The following EXOC4 variants were observed in gnomAD, a reference collection of about 807,000 sequenced individuals.
EXOC4 encodes exocyst complex component 4.
EXOC4 carries 71 observed loss-of-function variants against 107.2 expected under a neutral mutation model. The ratio of observed to expected loss-of-function variants is 0.66; its 90% confidence interval spans 0.55 to 0.81. The LOEUF (loss-of-function observed/expected upper bound fraction) is 0.81, where lower values mean the gene tolerates loss of function less well. Ranked by LOEUF, EXOC4 falls within the 30% of genes least tolerant of loss-of-function variation. EXOC4 has a pLI of 0.00. For synonymous variants in EXOC4, 456 were observed against 441.2 expected (o/e 1.03, Z -0.42); for missense variants, 1,108 against 1,189.6 (o/e 0.93, Z 1.01).
At chr7:133,823,912 AATATATATAT>A (rs1563015185) in intron 11 of EXOC4, among the ~76,000 whole-genome samples, 468 of 19,624 alleles carry the variant, frequency 0.024, 33 homozygotes, top group African/African-American at 0.17. Flanking sequence ...TATATATATA[AATATATATAT>A]AAATTATATA....
At chr7:133,793,083 A>G (rs890662246) in intron 10 of EXOC4, among the ~76,000 whole-genome samples, 9 of 152,170 alleles carry the variant, frequency 5.9e-5, no homozygotes, top group African/African-American at 1.9e-4. Flanking sequence ...AAATAAGCCA[A>G]TTACTAGAAA....
Position 133,719,943 on chromosome 7 carries a change from T to C in EXOC4, c.1514+89802T>C, listed in dbSNP as rs933848808. Among the ~76,000 whole-genome samples, 4 of 152,066 alleles carry C rather than the reference T, an allele frequency of 2.6e-5. No individual in the cohort carries two copies. The South Asian group carries it at 6.2e-4, about 24-fold the overall frequency. The stretch of plus-strand genomic sequence containing the variant: ...GATGGATGGATGGATGAATTGAAGG[T>C]ATGCAAAGGAGTTCAGATTCATTGG... On this transcript the variant is annotated intron_variant, in intron 10 of 17. Coordinates refer to ENST00000253861, the MANE Select transcript of EXOC4 (RefSeq NM_021807.4).
chr7:133,507,965 C>T (rs1163227217), intron 9 of EXOC4, among the ~76,000 whole-genome samples: 1 of 152,032 alleles, frequency 6.6e-6, no homozygotes, highest in Non-Finnish European at 1.5e-5. Context: ...GAGGCCAAGG[C>T]AGGAGAATCA....
chr7:133,597,702 A>T (rs1801713753), intron 9 of EXOC4, among the ~76,000 whole-genome samples: 1 of 152,012 alleles, frequency 6.6e-6, no homozygotes, highest in Non-Finnish European at 1.5e-5. Flanking sequence ...TATTTAGGTT[A>T]GTGCAAAACT....
At chr7:133,676,154 G>C (rs747539016) in intron 10 of EXOC4, among the ~76,000 whole-genome samples, 1 of 151,834 alleles carries the variant, frequency 6.6e-6, no homozygotes, top group Non-Finnish European at 1.5e-5. Flanking sequence ...TTGAGTGCCC[G>C]TTATGTACCA....
chr7:133,663,038 G>C (rs1184075399), intron 10 of EXOC4, among the ~76,000 whole-genome samples: 1 of 152,112 alleles, frequency 6.6e-6, no homozygotes, highest in African/African-American at 2.4e-5. Flanking sequence ...GCAACCCCCA[G>C]TTTTCCTTTT....
intron 10 of EXOC4, among the ~76,000 whole-genome samples, chr7:133,690,862 GGAA>G (rs1326821980): frequency 6.6e-6 from 1 of 152,070 alleles, no homozygotes; most frequent in African/African-American, 2.4e-5. Context: ...GGAAACTAAT[GGAA>G]GATAGGATTA....
At chr7:133,906,149 C>T (rs1411156915) in intron 12 of EXOC4, among the ~76,000 whole-genome samples, 1 of 152,088 alleles carries the variant, frequency 6.6e-6, no homozygotes, top group Non-Finnish European at 1.5e-5. Flanking sequence ...TCTCACTGGC[C>T]CCACTGTGCT....
At chr7:134,028,007 C>G (rs930123220) in intron 17 of EXOC4, among the ~76,000 whole-genome samples, 1 of 152,184 alleles carries the variant, frequency 6.6e-6, no homozygotes, top group Admixed American at 6.5e-5. Flanking sequence ...GTCAGGAGCT[C>G]TCAGCCTTAT....
At chr7:133,927,697 TTAAA>T (rs1205057072) in intron 13 of EXOC4, among the ~76,000 whole-genome samples, 1 of 152,210 alleles carries the variant, frequency 6.6e-6, no homozygotes, top group Non-Finnish European at 1.5e-5. Flanking sequence ...CATGAATATA[TTAAA>T]TAAGTGCAAG....
intron 11 of EXOC4, among the ~76,000 whole-genome samples, chr7:133,879,647 A>T (rs1440774542): frequency 1.3e-5 from 2 of 152,098 alleles, no homozygotes. Context: ...TACCTGTAAT[A>T]ATTTATTCTT....
intron 9 of EXOC4, among the ~76,000 whole-genome samples, chr7:133,516,718 C>T (rs1037554060): frequency 5.0e-4 from 48 of 95,812 alleles, no homozygotes; most frequent in Middle Eastern, 9.8e-3. Context: ...TATGGTCATT[C>T]GGGGTTTATT....
At chr7:134,057,783 C>T (rs1033182287) in intron 17 of EXOC4, among the ~76,000 whole-genome samples, 4 of 151,964 alleles carry the variant, frequency 2.6e-5, no homozygotes, top group South Asian at 2.1e-4. Context: ...AAGCAGGGGA[C>T]GCTGTAAAGG....
chr7:133,875,773 ACT>A (rs1475581677), intron 11 of EXOC4, among the ~76,000 whole-genome samples: 1 of 152,090 alleles, frequency 6.6e-6, no homozygotes, highest in Non-Finnish European at 1.5e-5. Context: ...CACCATTGAA[ACT>A]GTCATCTGAG....
intron 1 of EXOC4, among the ~76,000 whole-genome samples, chr7:133,267,601 A>G (rs547709938): frequency 2.6e-4 from 39 of 152,126 alleles, no homozygotes; most frequent in African/African-American, 8.4e-4. Flanking sequence ...AGCTCCCCTC[A>G]CTAGAACATA....
At chr7:134,048,577 T>C (rs1208626565) in intron 17 of EXOC4, among the ~76,000 whole-genome samples, 1 of 151,900 alleles carries the variant, frequency 6.6e-6, no homozygotes, top group Admixed American at 6.6e-5. Context: ...AGTTGAGGAG[T>C]AGGTTAGGAG....
At chr7:133,483,658 T>G (rs1280221226) in intron 9 of EXOC4, among the ~76,000 whole-genome samples, 1 of 152,192 alleles carries the variant, frequency 6.6e-6, no homozygotes, top group African/African-American at 2.4e-5. Context: ...TAAAAATACT[T>G]TAGGTGAGCT....
intron 7 of EXOC4, among the ~76,000 whole-genome samples, chr7:133,458,774 A>T (rs1264685055): frequency 6.6e-6 from 1 of 152,216 alleles, no homozygotes; most frequent in African/African-American, 2.4e-5. Context: ...GACATTTGGA[A>T]ATGGAACTTC....
chr7:133,630,768 A>G (rs17167179), intron 10 of EXOC4, among the ~76,000 whole-genome samples: 19,948 of 152,212 alleles, frequency 0.13, 1,440 homozygotes, highest in East Asian at 0.25. Flanking sequence ...ATGTTTTTAT[A>G]TATTGAATGA....
Sources: allele counts gnomAD v4.1 joint callset (sites outside exome capture counted in the v4.1 genomes callset), GRCh38; gene constraint gnomAD v4.1.1; transcripts MANE v1.5; gene names NCBI Gene and HGNC (gene_info 2026-07-23, HGNC 2026-07-21).